LCTL: variants seen among roughly 807,000 people sequenced by gnomAD.
LCTL encodes the protein lactase like.
Under a neutral mutation model 75.8 loss-of-function variants are expected in LCTL, and 76 were observed. The observed-to-expected ratio is 1.00, with a 90% CI of 0.83 to 1.21. The LOEUF is 1.21. Among genes scored for constraint, LCTL ranks in the 50% most tolerant of loss-of-function variants. The probability of loss-of-function intolerance (pLI) is 0.00; values close to 1 mark genes in which losing one functional copy is unlikely to be tolerated. For synonymous variants in LCTL, 271 were observed against 268.8 expected (o/e 1.01, Z -0.08); for missense variants, 670 against 712.4 (o/e 0.94, Z 0.68).
chr15:66,556,204 C>T (rs892545243), intron 8 of LCTL, among the ~76,000 whole-genome samples: 2 of 152,284 alleles, frequency 1.3e-5, no homozygotes, highest in African/African-American at 2.4e-5. Flanking sequence ...TTTGTACACC[C>T]GTGTTTTTAG....
At chr15:66,564,689 T>G (rs757944164) in exon 2 of LCTL, 1 of 1,612,524 alleles carries the variant, frequency 6.2e-7, no homozygotes. Flanking sequence ...GACCTTGTAG[T>G]AGCCGTCACA....
At chr15:66,564,619 G>A in intron 2 of LCTL, 57 bp downstream of exon 3, 5 of 1,561,454 alleles carry the variant, frequency 3.2e-6, no homozygotes, top group Non-Finnish European at 4.3e-6. Flanking sequence ...AGCTAGGCAT[G>A]TACTCACATG....
chr15:66,565,832 T>A (rs1264203473), upstream of LCTL: 1 of 159,022 alleles, frequency 6.3e-6, no homozygotes, highest in African/African-American at 2.4e-5. Flanking sequence ...GAATCCCCTC[T>A]TTGGTGCCAG....
chr15:66,565,354 C>T (rs1240636891), exon 1 of LCTL: 5 of 1,609,622 alleles, frequency 3.1e-6, no homozygotes, highest in Non-Finnish European at 4.2e-6. Context: ...TGGCGACCCA[C>T]ACTGGCTTCA....
upstream of LCTL, chr15:66,565,645 T>C: frequency 2.4e-6 from 1 of 421,806 alleles, no homozygotes; most frequent in East Asian, 4.6e-5. Context: ...TACCCCTGAG[T>C]GGCCTCTATC....
At chr15:66,561,129 G>A (rs573543055) in intron 5 of LCTL, 28 bp from the exon 7 acceptor site, 7 of 1,614,132 alleles carry the variant, frequency 4.3e-6, no homozygotes, top group South Asian at 1.1e-5. Context: ...AGGACCACAG[G>A]ATCCATAAGA....
At chr15:66,559,107 CCTG>C (rs1479295025) in intron 6 of LCTL, among the ~76,000 whole-genome samples, 1 of 151,766 alleles carries the variant, frequency 6.6e-6, no homozygotes, top group Non-Finnish European at 1.5e-5. Flanking sequence ...AAGTGATCCT[CCTG>C]CTCAAGTGAT....
chr15:66,551,639 A>G (rs770553740), intron 11 of LCTL, 23 bp downstream of exon 12: 22 of 1,590,314 alleles, frequency 1.4e-5, no homozygotes, highest in Middle Eastern at 3.3e-4. Context: ...TTCAGAACAG[A>G]TAACATTGAT....
chr15:66,548,749 A>G (rs1310210475), intron 12 of LCTL, 144 bp from the exon 14 acceptor site: 1 of 481,234 alleles, frequency 2.1e-6, no homozygotes, highest in Non-Finnish European at 3.7e-6. Flanking sequence ...GCCATGAAAT[A>G]GAACTTAGTA....
At chr15:66,548,361 A>G in exon 13 of LCTL, 1 of 481,498 alleles carries the variant, frequency 2.1e-6, no homozygotes. Flanking sequence ...CACAAGCCAA[A>G]AAGAGAAAGA....
intron 6 of LCTL, 98 bp downstream of exon 7, chr15:66,560,908 C>G: frequency 9.8e-7 from 1 of 1,015,402 alleles, no homozygotes; most frequent in Non-Finnish European, 1.5e-6. Context: ...TATGCTGACT[C>G]GGAGGTGGAG....
At chr15:66,564,448 A>G (rs35897311) in intron 2 of LCTL, 53,987 of 535,698 alleles carry the variant, frequency 0.1, 3,352 homozygotes, top group Middle Eastern at 0.13. Flanking sequence ...GTGAGGCCCC[A>G]CTTTCCTTTC....
rs759771093 is a variant in LCTL at position 66,551,770 on chromosome 15, T to A, written c.1416A>T (p.Gly472=). 1.7e-5 allele frequency: 28 copies of A among 1,613,640 alleles called. No homozygotes were observed. The African/African-American group carries it at 1.9e-4, about 11-fold the overall frequency. ...TGTCGTTAAATTCAACATAGTAGAA[T>A]CCATATCTATCTGAGTATCCTTTCT... Residue 472 remains glycine (G), a synonymous_variant, in exon 11 of 13, where the codon GGA becomes GGT. Coordinates refer to ENST00000341509, the Ensembl canonical transcript of LCTL.
intron 6 of LCTL, among the ~76,000 whole-genome samples, chr15:66,559,682 T>C (rs1162845117): frequency 6.6e-6 from 1 of 152,172 alleles, no homozygotes; most frequent in Non-Finnish European, 1.5e-5. Context: ...CACTCCAGCC[T>C]GGGCGACAGA....
rs763149542 is a variant in LCTL, at chr15:66,553,085, G to A, written c.1096C>T (p.Arg366Cys). The A allele has an allele frequency of 2.9e-5, 46 of 1,609,282 alleles. No individual in the cohort carries two copies. The East Asian group carries it at 4.2e-4, about 15-fold the overall frequency. The change falls in exon 9 of 13, where the codon CGT becomes TGT. Residue 366 changes from arginine (R) to cysteine (C), a missense_variant. By Grantham distance (180) the Arg-to-Cys change is radical (BLOSUM62 -3). Transcript: ENST00000341509. ...GGGTCAACCAGCTCTATCAAGTCAC[G>A]ATCGTTCTGGTAGCTGGGCCCCTGG...
At chr15:66,565,411 C>T in exon 1 of LCTL, 2 of 1,230,114 alleles carry the variant, frequency 1.6e-6, no homozygotes, top group Non-Finnish European at 2.3e-6. Flanking sequence ...GCTGGCTCTG[C>T]AGGCCCCTGC....
In LCTL at chr15:66,560,153, G is replaced by A. The variant is rs528465930; in HGVS notation, c.705+853C>T. On this transcript the variant is annotated intron_variant, in intron 6 of 12. Transcript: ENST00000341509. Reference sequence around the variant, plus strand: ...CAGTTTAAGAAATCATAAGCCAAATGTAGAAAAAATGAGAAAATGTTCTCC... The same window carrying A: ...CAGTTTAAGAAATCATAAGCCAAATATAGAAAAAATGAGAAAATGTTCTCC... Among the ~76,000 whole-genome samples, 12 of 152,218 alleles carry A rather than the reference G, an allele frequency of 7.9e-5. 1 individual carries two copies. In the South Asian group the frequency reaches 2.1e-3, roughly 26 times the overall value.
chr15:66,564,035 C>A, intron 2 of LCTL, 37 bp from the exon 4 acceptor site: 1 of 1,412,240 alleles, frequency 7.1e-7, no homozygotes, highest in Non-Finnish European at 1.0e-6. Flanking sequence ...GTCACCTGGG[C>A]CCTGGGTATG....
chr15:66,559,177 C>A (rs1011860026), intron 6 of LCTL, among the ~76,000 whole-genome samples: 1 of 152,124 alleles, frequency 6.6e-6, no homozygotes, highest in Non-Finnish European at 1.5e-5. Context: ...TGCCACCACA[C>A]CTGGCTCAGT....
Sources: allele counts gnomAD v4.1 joint callset (sites outside exome capture counted in the v4.1 genomes callset), GRCh38; gene constraint gnomAD v4.1.1; transcripts MANE v1.5; gene names NCBI Gene and HGNC (gene_info 2026-07-23, HGNC 2026-07-21).